The following ADGRL2 variants were observed in gnomAD, a reference collection of about 807,000 sequenced individuals.
The protein encoded by ADGRL2 is calcium-independent alpha-latrotoxin receptor 2.
In ADGRL2, 44 loss-of-function variants were observed where a neutral mutation model predicts 157.4. The observed-to-expected ratio is 0.28, with a 90% CI of 0.22 to 0.36. The LOEUF (loss-of-function observed/expected upper bound fraction) is 0.36. Ranked by LOEUF, ADGRL2 falls within the 10% of genes least tolerant of loss-of-function variation. The probability of loss-of-function intolerance (pLI) is 1.00; values close to 1 mark genes in which losing one functional copy is unlikely to be tolerated. For synonymous variants in ADGRL2, 585 were observed against 624.7 expected, an observed-to-expected ratio of 0.94 and a Z score of 0.95; for missense variants, 1,510 against 1,768.9, an observed-to-expected ratio of 0.85 and a Z score of 2.63.
At chr1:81,459,116 G>T (rs1163127443) in intron 2 of ADGRL2, among the ~76,000 whole-genome samples, 2 of 152,154 alleles carry the variant, frequency 1.3e-5, no homozygotes, top group African/African-American at 4.8e-5. Context: ...AGTGTGTGCT[G>T]ATTGGTCTAT....
intron 3 of ADGRL2, among the ~76,000 whole-genome samples, chr1:81,931,968 G>A (rs1306002418): frequency 6.6e-6 from 1 of 152,044 alleles, no homozygotes; most frequent in Non-Finnish European, 1.5e-5. Flanking sequence ...TATTCGCAAG[G>A]CCTACTTATG....
At chr1:81,724,203 G>A (rs2084432735) in intron 1 of ADGRL2, among the ~76,000 whole-genome samples, 1 of 152,074 alleles carries the variant, frequency 6.6e-6, no homozygotes, top group African/African-American at 2.4e-5. Flanking sequence ...CCGTGAGAAT[G>A]CTTACTTATG....
intron 3 of ADGRL2, among the ~76,000 whole-genome samples, chr1:81,594,837 A>G (rs1381456524): frequency 6.6e-6 from 1 of 152,226 alleles, no homozygotes; most frequent in East Asian, 1.9e-4. Context: ...TTCAGTCCAA[A>G]TGTGATTGTG....
At chr1:81,836,763 A>G in intron 1 of ADGRL2, 122 bp from the exon 2 acceptor site, 1 of 415,370 alleles carries the variant, frequency 2.4e-6, no homozygotes, top group Non-Finnish European at 4.3e-6. Flanking sequence ...AGCAGCTTCC[A>G]TAGTGGACAT....
In ADGRL2 at chr1:81,831,992, TG is replaced by T. The variant is rs374720785; in HGVS notation, c.-100-4892del. ...CTCAGATTTCTGACCTTTATAATACTGATCTTGCTTTTTTGGTAAGGATTAG... is the reference window on the plus strand; with the variant it reads ...CTCAGATTTCTGACCTTTATAATACTATCTTGCTTTTTTGGTAAGGATTAG... On this transcript the variant is annotated intron_variant, in intron 1 of 23. Coordinates refer to ENST00000686636, the MANE Select transcript of ADGRL2 (RefSeq NM_001366006.2). Among the ~76,000 whole-genome samples, 149 of 152,298 alleles carry T rather than the reference TG, an allele frequency of 9.8e-4. 1 individual carries two copies. The highest frequency in any genetic ancestry group is 3.5e-3 in the African/African-American group (145 of 41,580).
rs1553135117 is a variant in ADGRL2, at chr1:81,650,390, T to TTA, written c.-143+69410_-143+69411insTA. Among the ~76,000 whole-genome samples the TTA allele has an allele frequency of 2.3e-4, 34 of 150,324 alleles. 4 individuals are homozygous for TTA. The highest frequency in any genetic ancestry group is 2.0e-3 in the East Asian group (10 of 5,074). On this transcript the variant is annotated intron_variant, in intron 3 of 24. Coordinates refer to the ADGRL2 transcript ENST00000370721. ...ATCGAGACCATCCTGGCCAACATGG[T>TTA]AAAAAAAACCCCATCTCTACTAAAA...
chr1:81,955,075 T>A (rs1199306927), intron 10 of ADGRL2, among the ~76,000 whole-genome samples: 2 of 152,202 alleles, frequency 1.3e-5, no homozygotes, highest in Non-Finnish European at 2.9e-5. Flanking sequence ...GAGTTATATT[T>A]TATTTAATGT....
intron 2 of ADGRL2, among the ~76,000 whole-genome samples, chr1:81,772,504 A>G (rs1417384192): frequency 6.6e-6 from 1 of 152,004 alleles, no homozygotes; most frequent in Non-Finnish European, 1.5e-5. Flanking sequence ...CGAGGCGGGT[A>G]GATCACCTGA....
chr1:81,320,380 T>G (rs1487887427), intron 1 of ADGRL2, among the ~76,000 whole-genome samples: 1 of 152,250 alleles, frequency 6.6e-6, no homozygotes, highest in Non-Finnish European at 1.5e-5. Flanking sequence ...CATGAATGTC[T>G]TAATGGCATC....
chr1:81,874,169 A>C (rs2093769662), intron 2 of ADGRL2, among the ~76,000 whole-genome samples: 4 of 152,118 alleles, frequency 2.6e-5, no homozygotes, highest in Admixed American at 2.6e-4. Flanking sequence ...TTGCCATTTC[A>C]GTCTTCATGG....
chr1:81,836,005 T>C (rs955834245), intron 1 of ADGRL2, among the ~76,000 whole-genome samples: 3 of 152,100 alleles, frequency 2.0e-5, no homozygotes, highest in African/African-American at 7.2e-5. Flanking sequence ...ACATGAAGCA[T>C]GTAGTAAATG....
intron 2 of ADGRL2, among the ~76,000 whole-genome samples, chr1:81,497,992 G>A (rs536490885): frequency 1.1e-4 from 16 of 152,254 alleles, no homozygotes; most frequent in Admixed American, 9.2e-4. Flanking sequence ...AGATCACGAG[G>A]TCAGGAGATC....
chr1:81,880,213 G>A (rs1039109253), intron 2 of ADGRL2, among the ~76,000 whole-genome samples: 9 of 152,100 alleles, frequency 5.9e-5, no homozygotes, highest in African/African-American at 2.2e-4. Context: ...TTATTGGAAT[G>A]CTTTCTAGCA....
Position 81,993,173 on chromosome 1 carries a change from C to A in ADGRL2, c.*2028C>A, listed in dbSNP as rs1422554116. On this transcript the variant is annotated 3_prime_UTR_variant, in exon 24 of 24. Coordinates refer to ENST00000686636, the MANE Select transcript of ADGRL2 (RefSeq NM_001366006.2). ...CTGGAGTGCAGTAGTGTGATCTCGG[C>A]TCACTGCAACCTCCGCCTCCCAGGT... 8.0e-6 allele frequency among the ~76,000 whole-genome samples: 1 copy of A among 124,722 alleles called. No individual in the cohort carries two copies. The highest frequency in any genetic ancestry group is 2.7e-4 in the South Asian group (1 of 3,706). The allele number at this position is 124,722 out of a possible 152,430, so 81.8% of individuals were successfully genotyped here.
intron 3 of ADGRL2, among the ~76,000 whole-genome samples, chr1:81,673,627 G>C (rs982428134): frequency 6.1e-5 from 9 of 148,460 alleles, no homozygotes; most frequent in Non-Finnish European, 8.9e-5. Flanking sequence ...CCATTCTCCT[G>C]CCTCAGCCTC....
chr1:81,863,088 T>C (rs935725712), intron 2 of ADGRL2, among the ~76,000 whole-genome samples: 1 of 152,208 alleles, frequency 6.6e-6, no homozygotes, highest in Non-Finnish European at 1.5e-5. Context: ...TGGGGGAGTC[T>C]AACAGTACAG....
intron 3 of ADGRL2, among the ~76,000 whole-genome samples, chr1:81,657,972 T>G (rs2082570674): frequency 6.6e-6 from 1 of 152,216 alleles, no homozygotes; most frequent in Admixed American, 6.5e-5. Context: ...GGATGGCAAG[T>G]CAAAAGGCTT....
intron 3 of ADGRL2, among the ~76,000 whole-genome samples, chr1:81,588,800 C>T (rs1284948006): frequency 2.0e-5 from 3 of 152,182 alleles, no homozygotes; most frequent in Non-Finnish European, 2.9e-5. Context: ...TCCTGATAAT[C>T]AGGTCATTTA....
At chr1:81,731,865 T>C (rs769645377) in intron 1 of ADGRL2, among the ~76,000 whole-genome samples, 5 of 152,200 alleles carry the variant, frequency 3.3e-5, no homozygotes, top group African/African-American at 1.2e-4. Context: ...GCTAAGCACT[T>C]GAGATACATC....
Sources: gnomAD v4.1 joint callset for allele counts (sites outside exome capture counted in the v4.1 genomes callset) on GRCh38, gnomAD v4.1.1 for gene constraint, MANE v1.5 for transcripts, NCBI Gene and HGNC (gene_info 2026-07-23, HGNC 2026-07-21) for gene names.